RBFOX1: variants seen among roughly 807,000 people sequenced by gnomAD.
The protein encoded by RBFOX1 is RNA binding protein fox-1 homolog 1.
In RBFOX1, 8 loss-of-function variants were observed where a neutral mutation model predicts 57.7. The observed-to-expected ratio is 0.14, with a 90% CI of 0.08 to 0.25. The LOEUF is 0.25. Among genes scored for constraint, RBFOX1 ranks in the 10% least tolerant of loss-of-function variants. RBFOX1 has a pLI of 1.00. For synonymous variants in RBFOX1, 326 were observed against 222.4 expected, an observed-to-expected ratio of 1.47 and a Z score of -4.15; for missense variants, 611 against 548.5, an observed-to-expected ratio of 1.11 and a Z score of -1.14.
At chr16:7,483,245 T>C (rs1202172726) in intron 4 of RBFOX1, among the ~76,000 whole-genome samples, 1 of 152,332 alleles carries the variant, frequency 6.6e-6, no homozygotes. Flanking sequence ...TCCTGGATGC[T>C]GTGAGAGACC....
intron 4 of RBFOX1, among the ~76,000 whole-genome samples, chr16:7,443,879 TC>T (rs1378086470): frequency 6.6e-6 from 1 of 152,194 alleles, no homozygotes; most frequent in Non-Finnish European, 1.5e-5. Context: ...ATTTTGGGCG[TC>T]TGAACTTCCT....
At chr16:5,302,147 A>G (rs1201027511) in intron 1 of RBFOX1, among the ~76,000 whole-genome samples, 1 of 152,184 alleles carries the variant, frequency 6.6e-6, no homozygotes, top group African/African-American at 2.4e-5. Context: ...TCTTTTGGTT[A>G]TCATACAGTT....
At chr16:6,741,279 G>C (rs1248075913) in intron 3 of RBFOX1, among the ~76,000 whole-genome samples, 2 of 152,064 alleles carry the variant, frequency 1.3e-5, no homozygotes. Flanking sequence ...AAAACTTTCA[G>C]GCAATCCTAT....
At chr16:6,507,433 G>T in intron 2 of RBFOX1, among the ~76,000 whole-genome samples, 1 of 142,474 alleles carries the variant, frequency 7.0e-6, no homozygotes. Flanking sequence ...CACTTTGTGA[G>T]GCTAAGGCAG....
chr16:6,605,049 C>T (rs1000586898), intron 2 of RBFOX1, among the ~76,000 whole-genome samples: 1 of 151,950 alleles, frequency 6.6e-6, no homozygotes, highest in African/African-American at 2.4e-5. Context: ...TATATAAACA[C>T]ATGCACAACG....
At chr16:5,970,729 C>A (rs749256395) in intron 4 of RBFOX1, among the ~76,000 whole-genome samples, 1 of 152,092 alleles carries the variant, frequency 6.6e-6, no homozygotes, top group Non-Finnish European at 1.5e-5. Context: ...AAGGACCCTG[C>A]GAAATTGACT....
intron 4 of RBFOX1, among the ~76,000 whole-genome samples, chr16:5,984,963 TATATATATATA>T (rs1567221556): frequency 2.5e-5 from 1 of 40,020 alleles, no homozygotes; most frequent in African/African-American, 9.6e-5. Context: ...TATATATATA[TATATATATATA>T]TATTTTTTTT....
chr16:6,923,824 G>C (rs1315307377), intron 3 of RBFOX1, among the ~76,000 whole-genome samples: 1 of 152,056 alleles, frequency 6.6e-6, no homozygotes, highest in East Asian at 1.9e-4. Flanking sequence ...TGAAACTTCA[G>C]GCAAGTGACT....
intron 13 of RBFOX1, among the ~76,000 whole-genome samples, chr16:7,675,804 C>T (rs1015500704): frequency 6.6e-6 from 1 of 152,162 alleles, no homozygotes; most frequent in African/African-American, 2.4e-5. Context: ...GATTATGGGA[C>T]TGTGTGTTCT....
chr16:6,782,449 G>C (rs1392974550), intron 3 of RBFOX1, among the ~76,000 whole-genome samples: 11 of 151,964 alleles, frequency 7.2e-5, no homozygotes, highest in Non-Finnish European at 1.5e-4. Context: ...TATTTATATA[G>C]TTTCCAGAGT....
intron 4 of RBFOX1, among the ~76,000 whole-genome samples, chr16:7,053,345 C>A (rs923223324): frequency 6.6e-6 from 1 of 152,212 alleles, no homozygotes; most frequent in African/African-American, 2.4e-5. Flanking sequence ...CCCTTTCCTT[C>A]ATGGAACAGA....
intron 1 of RBFOX1, among the ~76,000 whole-genome samples, chr16:6,308,854 A>G (rs1344732900): frequency 6.6e-6 from 1 of 152,152 alleles, no homozygotes; most frequent in Non-Finnish European, 1.5e-5. Flanking sequence ...TTTCCCAACT[A>G]TCACTCCTAA....
At chr16:6,420,863 A>G (rs1397869384) in intron 2 of RBFOX1, among the ~76,000 whole-genome samples, 1 of 152,238 alleles carries the variant, frequency 6.6e-6, no homozygotes, top group Admixed American at 6.5e-5. Context: ...TGAGGGTGAC[A>G]TAGTGCAAGG....
intron 4 of RBFOX1, among the ~76,000 whole-genome samples, chr16:7,226,833 G>A (rs1464874609): frequency 6.6e-6 from 1 of 152,168 alleles, no homozygotes; most frequent in East Asian, 1.9e-4. Context: ...TCATTAAAAT[G>A]TAAGTCAGAG....
At chr16:6,479,320 A>T (rs1302308593) in intron 2 of RBFOX1, among the ~76,000 whole-genome samples, 1 of 152,178 alleles carries the variant, frequency 6.6e-6, no homozygotes, top group East Asian at 1.9e-4. Context: ...AGATCAGGGA[A>T]CTGCCTTATA....
chr16:6,277,988 G>A (rs1038114693), intron 1 of RBFOX1, among the ~76,000 whole-genome samples: 3 of 152,158 alleles, frequency 2.0e-5, no homozygotes, highest in Admixed American at 2.0e-4. Flanking sequence ...AGGTGATGAG[G>A]TTCCGCTTCT....
intron 2 of RBFOX1, among the ~76,000 whole-genome samples, chr16:6,453,832 G>A (rs1236242849): frequency 5.3e-5 from 8 of 152,168 alleles, no homozygotes; most frequent in Admixed American, 5.2e-4. Flanking sequence ...GACCACACAG[G>A]GCCAGAGGCT....
At chr16:7,594,877 T>A (rs2094607349) in intron 7 of RBFOX1, among the ~76,000 whole-genome samples, 1 of 152,250 alleles carries the variant, frequency 6.6e-6, no homozygotes, top group Non-Finnish European at 1.5e-5. Flanking sequence ...TTGAATTGTT[T>A]GTATTATTAA....
intron 3 of RBFOX1, among the ~76,000 whole-genome samples, chr16:6,672,250 G>A (rs1478663971): frequency 1.3e-5 from 2 of 152,006 alleles, no homozygotes; most frequent in African/African-American, 4.8e-5. Flanking sequence ...CCACCATAAC[G>A]CTTAGAGTCC....
Sources: gnomAD v4.1 joint callset for allele counts (sites outside exome capture counted in the v4.1 genomes callset) on GRCh38, gnomAD v4.1.1 for gene constraint, MANE v1.5 for transcripts, NCBI Gene and HGNC (gene_info 2026-07-23, HGNC 2026-07-21) for gene names.